ARSB: variants seen among roughly 807,000 people sequenced by gnomAD.
The protein encoded by ARSB is N-acetylgalactosamine-4-sulfatase.
Under a neutral mutation model 50.9 loss-of-function variants are expected in ARSB, and 41 were observed. That is an observed-to-expected ratio of 0.81 (90% confidence interval 0.63 to 1.04). The LOEUF is 1.04. ARSB is among the 50% of genes least tolerant of loss of function. The pLI is 0.00. For synonymous variants in ARSB, 269 were observed against 284.8 expected, an observed-to-expected ratio of 0.94 and a Z score of 0.56; for missense variants, 672 against 693.3, an observed-to-expected ratio of 0.97 and a Z score of 0.35.
chr5:78,809,026 T>G (rs183028741), intron 6 of ARSB, among the ~76,000 whole-genome samples: 103 of 152,312 alleles, frequency 6.8e-4, no homozygotes, highest in African/African-American at 2.5e-3. Context: ...AAAACAGACA[T>G]GTATAAATGA....
At chr5:78,787,134 C>CTATCTATCTATA (rs769970300) in intron 6 of ARSB, among the ~76,000 whole-genome samples, 1 of 150,098 alleles carries the variant, frequency 6.7e-6, no homozygotes, top group Admixed American at 6.6e-5. Context: ...ATCTATCTAT[C>CTATCTATCTATA]TATATAGATA....
At chr5:78,935,623 G>A (rs1054022128) in intron 4 of ARSB, among the ~76,000 whole-genome samples, 7 of 152,088 alleles carry the variant, frequency 4.6e-5, no homozygotes, top group Non-Finnish European at 8.8e-5. Context: ...AAAGCAAACC[G>A]GAGACCAAAG....
intron 5 of ARSB, among the ~76,000 whole-genome samples, chr5:78,874,810 C>T (rs1747412502): frequency 6.6e-6 from 1 of 152,130 alleles, no homozygotes; most frequent in Non-Finnish European, 1.5e-5. Context: ...GGCCAAGTCT[C>T]AAATTTAAAA....
At chr5:78,911,879 T>C (rs1749328377) in intron 4 of ARSB, among the ~76,000 whole-genome samples, 1 of 152,226 alleles carries the variant, frequency 6.6e-6, no homozygotes, top group South Asian at 2.1e-4. Context: ...AAATCCACTA[T>C]TAAACCTCTT....
chr5:78,836,622 C>A lies in ARSB; in HGVS notation c.1213+2734G>T, dbSNP rs145750174. ...ATTCTAATTTCCATGCTCTTACCAA[C>A]TTTTACTCTGGAGAAACCTTTTGCC... On this transcript the variant is annotated intron_variant, in intron 6 of 7. Coordinates refer to ENST00000264914, the MANE Select transcript of ARSB (RefSeq NM_000046.5). 2.6e-4 allele frequency among the ~76,000 whole-genome samples: 40 copies of A among 152,288 alleles called. No individual in the cohort carries two copies. The East Asian group carries it at 7.7e-3, about 29-fold the overall frequency.
chr5:78,969,887 G>A (rs540368450), intron 1 of ARSB, among the ~76,000 whole-genome samples: 4 of 152,322 alleles, frequency 2.6e-5, no homozygotes, highest in Admixed American at 6.5e-5. Context: ...CCAATGTGTT[G>A]GGATTACAGG....
chr5:78,865,002 T>C (rs936061068), intron 5 of ARSB, among the ~76,000 whole-genome samples: 23 of 152,318 alleles, frequency 1.5e-4, no homozygotes, highest in African/African-American at 5.1e-4. Flanking sequence ...GCTGCTTTCA[T>C]GGGCTGGCAT....
chr5:78,783,564 A>G (rs1459208693), intron 6 of ARSB: 1 of 152,188 alleles, frequency 6.6e-6, no homozygotes, highest in Admixed American at 6.5e-5. Context: ...TTTGGCTCCA[A>G]TACAAATGGA....
rs1160778339 is a variant in ARSB at position 78,778,174 on chromosome 5, G to T, written c.*2223C>A. ...CTACCTACACCCAGCCCTGGGATTCGGAGGATGCAGAAGGAACATCTGGGC... is the reference window on the plus strand; with the variant it reads ...CTACCTACACCCAGCCCTGGGATTCTGAGGATGCAGAAGGAACATCTGGGC... On this transcript the variant is annotated 3_prime_UTR_variant, in exon 8 of 8. Coordinates refer to ENST00000264914, the MANE Select transcript of ARSB (RefSeq NM_000046.5). The T allele has an allele frequency of 6.6e-6, 1 of 152,284 alleles. No homozygotes were observed. Among genetic ancestry groups the T allele is most frequent in the Non-Finnish European group, 1.5e-5 (1 of 68,036 alleles). 9.4% of individuals were successfully genotyped at this position (152,284 alleles called of 1,614,324 possible).
intron 6 of ARSB, among the ~76,000 whole-genome samples, chr5:78,795,638 G>C (rs1743150556): frequency 6.6e-6 from 1 of 152,202 alleles, no homozygotes; most frequent in Non-Finnish European, 1.5e-5. Flanking sequence ...TCTGTCCTTG[G>C]AGAAATTCTT....
chr5:78,855,684 T>C (rs1746105320), intron 5 of ARSB, among the ~76,000 whole-genome samples: 1 of 152,166 alleles, frequency 6.6e-6, no homozygotes, highest in Non-Finnish European at 1.5e-5. Flanking sequence ...CATGTGGACT[T>C]CAGGCAGCTC....
chr5:78,903,981 TACC>T, intron 4 of ARSB, among the ~76,000 whole-genome samples: 1 of 152,226 alleles, frequency 6.6e-6, no homozygotes, highest in Non-Finnish European at 1.5e-5. Flanking sequence ...AACTCCTTTG[TACC>T]ACCTCTTTGT....
intron 4 of ARSB, among the ~76,000 whole-genome samples, chr5:78,931,408 TAA>T (rs1167709590): frequency 2.6e-5 from 4 of 152,144 alleles, no homozygotes; most frequent in African/African-American, 9.7e-5. Flanking sequence ...ATGACAATGT[TAA>T]AAAGATTCCA....
chr5:78,940,968 G>A (rs894474708), intron 4 of ARSB, among the ~76,000 whole-genome samples: 1 of 151,838 alleles, frequency 6.6e-6, no homozygotes, highest in Non-Finnish European at 1.5e-5. Flanking sequence ...ATTGAGCAGT[G>A]GTTTGTAGTT....
Position 78,781,992 on chromosome 5 carries a change from G to C in ARSB, c.1214-18C>G. On this transcript the variant is annotated intron_variant, in intron 6 of 7. Coordinates refer to ENST00000264914, the MANE Select transcript of ARSB (RefSeq NM_000046.5). The stretch of plus-strand genomic sequence containing the variant: ...CCTGGGACCTGGGAAGAAATAGTTT[G>C]AAAGAATTAGATCACTGTTATTGGA... 6.2e-7 allele frequency: 1 copy of C among 1,613,990 alleles called. No homozygotes were observed. The highest frequency in any genetic ancestry group is 8.5e-7 in the Non-Finnish European group (1 of 1,179,884).
At chr5:78,783,514 GA>G (rs1399097886) in intron 6 of ARSB, 2 of 152,082 alleles carry the variant, frequency 1.3e-5, no homozygotes, top group Admixed American at 1.3e-4. Context: ...CACCAAAGAG[GA>G]AAATATTTTT....
At chr5:78,973,625 T>C (rs1448562287) in intron 1 of ARSB, among the ~76,000 whole-genome samples, 2 of 152,116 alleles carry the variant, frequency 1.3e-5, no homozygotes, top group African/African-American at 4.8e-5. Context: ...AGCTCCCATA[T>C]CAGAATCTCT....
intron 3 of ARSB, 58 bp from the exon 4 acceptor site, chr5:78,955,560 G>T: frequency 1.5e-6 from 2 of 1,371,458 alleles, no homozygotes; most frequent in Non-Finnish European, 2.1e-6. Context: ...AAATATAGAA[G>T]GATAAGACAG....
chr5:78,813,895 C>T (rs6453416), intron 6 of ARSB, among the ~76,000 whole-genome samples: 131,502 of 152,220 alleles, frequency 0.86, 56,867 homozygotes, highest in Middle Eastern at 0.92. Flanking sequence ...ATTTTTTAAA[C>T]ATAAAATATT....
Sources: allele counts gnomAD v4.1 joint callset (sites outside exome capture counted in the v4.1 genomes callset), GRCh38; gene constraint gnomAD v4.1.1; transcripts MANE v1.5; gene names NCBI Gene and HGNC (gene_info 2026-07-23, HGNC 2026-07-21).